Variants in CYP19A1 observed in about 807,000 individuals in gnomAD.
CYP19A1 encodes the protein cytochrome P450 family 19 subfamily A member 1, also known as aromatase.
In CYP19A1, 32 loss-of-function variants were observed where a neutral mutation model predicts 44.4. The ratio of observed to expected loss-of-function variants is 0.72; its 90% confidence interval spans 0.54 to 0.97. CYP19A1 has a LOEUF of 0.97. Ranked by LOEUF, CYP19A1 falls within the 50% of genes least tolerant of loss-of-function variation. The pLI is 0.00. For missense variants in CYP19A1, 598 were observed against 637.8 expected (o/e 0.94, Z 0.67); for synonymous variants, 212 against 215.6 (o/e 0.98, Z 0.14).
intron 1 of CYP19A1, among the ~76,000 whole-genome samples, chr15:51,251,544 C>A (rs1183058891): frequency 6.6e-6 from 1 of 152,226 alleles, no homozygotes; most frequent in Non-Finnish European, 1.5e-5. Flanking sequence ...ACCACAAGTG[C>A]TTCACACCCA....
chr15:51,259,132 G>C (rs995767506), intron 1 of CYP19A1, among the ~76,000 whole-genome samples: 1 of 152,184 alleles, frequency 6.6e-6, no homozygotes, highest in African/African-American at 2.4e-5. Context: ...CATTACAGGA[G>C]ACAACAAGTA....
At chr15:51,295,143 T>G (rs996703565) in intron 1 of CYP19A1, among the ~76,000 whole-genome samples, 64 of 151,514 alleles carry the variant, frequency 4.2e-4, no homozygotes, top group Non-Finnish European at 7.1e-4. Context: ...CGTGTTTTTT[T>G]TTTTTTTTTT....
intron 1 of CYP19A1, among the ~76,000 whole-genome samples, chr15:51,320,644 C>A (rs2036511638): frequency 1.3e-5 from 2 of 152,120 alleles, no homozygotes; most frequent in Admixed American, 1.3e-4. Flanking sequence ...TTTCCTTAAC[C>A]CCACTTCTCA....
chr15:51,276,308 C>G (rs2035307952), intron 1 of CYP19A1, among the ~76,000 whole-genome samples: 2 of 152,128 alleles, frequency 1.3e-5, no homozygotes, highest in African/African-American at 4.8e-5. Context: ...CTCTACAGGC[C>G]CACTGACCCC....
intron 1 of CYP19A1, among the ~76,000 whole-genome samples, chr15:51,267,633 C>A (rs2034973545): frequency 6.6e-6 from 1 of 152,226 alleles, no homozygotes; most frequent in Non-Finnish European, 1.5e-5. Context: ...GAGACGCGAC[C>A]GGGGTGAGAC....
At chr15:51,296,799 TG>T (rs1316604498) in intron 1 of CYP19A1, among the ~76,000 whole-genome samples, 1 of 152,236 alleles carries the variant, frequency 6.6e-6, no homozygotes, top group African/African-American at 2.4e-5. Context: ...TTCATATTCC[TG>T]TTTGTAAAAT....
chr15:51,222,586 C>G, intron 4 of CYP19A1, 61 bp from the exon 5 acceptor site: 1 of 1,416,030 alleles, frequency 7.1e-7, no homozygotes. Context: ...CACAATCATG[C>G]CATTTTGGCT....
At chr15:51,262,579 G>C (rs1256772026) in intron 1 of CYP19A1, among the ~76,000 whole-genome samples, 3 of 152,084 alleles carry the variant, frequency 2.0e-5, no homozygotes, top group African/African-American at 7.2e-5. Context: ...AAAATCTATA[G>C]AGTTTGCCAT....
intron 5 of CYP19A1, 116 bp downstream of exon 5, chr15:51,222,233 G>A (rs1353494761): frequency 3.8e-6 from 6 of 1,564,476 alleles, no homozygotes; most frequent in African/African-American, 2.7e-5. Flanking sequence ...ACTTAGAAAT[G>A]TTTAAACAAG....
At chr15:51,282,877 T>C (rs1000130105) in intron 1 of CYP19A1, among the ~76,000 whole-genome samples, 3 of 152,136 alleles carry the variant, frequency 2.0e-5, no homozygotes, top group African/African-American at 7.2e-5. Context: ...TTATTTAAGT[T>C]TCTTAAGGCA....
intron 1 of CYP19A1, chr15:51,312,619 A>G (rs988252982): frequency 2.6e-5 from 4 of 152,314 alleles, no homozygotes; most frequent in African/African-American, 9.6e-5. Context: ...GGGGCCGATT[A>G]TCCCACATTT....
At chr15:51,218,744 C>T (rs2031813679) in intron 5 of CYP19A1, 89 bp from the exon 6 acceptor site, 2 of 1,536,406 alleles carry the variant, frequency 1.3e-6, no homozygotes, top group Non-Finnish European at 1.7e-6. Context: ...AAAACATTCC[C>T]TGCAGATTCT....
At chr15:51,325,694 T>C (rs1029301538) in intron 1 of CYP19A1, among the ~76,000 whole-genome samples, 3 of 151,786 alleles carry the variant, frequency 2.0e-5, no homozygotes, top group Non-Finnish European at 2.9e-5. Flanking sequence ...AAAAATTAGC[T>C]GGGCGTGGTG....
intron 1 of CYP19A1, among the ~76,000 whole-genome samples, chr15:51,252,454 G>C (rs890964089): frequency 6.6e-6 from 1 of 152,208 alleles, no homozygotes. Flanking sequence ...CAGGTTATAA[G>C]AGAATACAAT....
intron 1 of CYP19A1, among the ~76,000 whole-genome samples, chr15:51,288,957 A>C (rs1169500997): frequency 6.6e-6 from 1 of 152,222 alleles, no homozygotes; most frequent in Non-Finnish European, 1.5e-5. Context: ...CCTCCCCGCA[A>C]CATAACTGCA....
rs868313326 is a variant in CYP19A1, at chr15:51,222,154, C to T, written c.628+195G>A. The T allele has an allele frequency of 3.4e-5, 33 of 965,260 alleles. 1 individual carries two copies. The highest frequency in any genetic ancestry group is 6.5e-4 in the Middle Eastern group (2 of 3,064). 59.8% of individuals were successfully genotyped at this position (965,260 alleles called of 1,614,324 possible). The stretch of plus-strand genomic sequence containing the variant: ...ATACAAAAGGCTAGTAGATGCTGGC[C>T]CCTACTTTATGGAAATTTATATTTT... On this transcript the variant is annotated intron_variant, in intron 5 of 9. Transcript: ENST00000396402.
intron 1 of CYP19A1, among the ~76,000 whole-genome samples, chr15:51,281,983 A>T (rs534788538): frequency 6.6e-6 from 1 of 152,238 alleles, no homozygotes; most frequent in Non-Finnish European, 1.5e-5. Flanking sequence ...GGCAAGAAAA[A>T]TAATAATGAG....
At chr15:51,239,332 G>A (rs762017256) in intron 2 of CYP19A1, among the ~76,000 whole-genome samples, 1 of 152,142 alleles carries the variant, frequency 6.6e-6, no homozygotes, top group African/African-American at 2.4e-5. Context: ...AGAGAAACCT[G>A]TGTGCACATA....
intron 4 of CYP19A1, among the ~76,000 whole-genome samples, chr15:51,224,479 G>A (rs1433065160): frequency 1.3e-5 from 2 of 152,100 alleles, no homozygotes; most frequent in Non-Finnish European, 2.9e-5. Context: ...CCCTGATCTT[G>A]CCTATAGAAG....
Sources: gnomAD v4.1 joint callset for allele counts (sites outside exome capture counted in the v4.1 genomes callset) on GRCh38, gnomAD v4.1.1 for gene constraint, MANE v1.5 for transcripts, NCBI Gene and HGNC (gene_info 2026-07-23, HGNC 2026-07-21) for gene names.